The following NHERF2 variants were observed in gnomAD, a reference collection of about 807,000 sequenced individuals.
The protein encoded by NHERF2 is Na(+)/H(+) exchange regulatory cofactor NHE-RF2.
At chr16:2,033,121 T>G in the NHERF2 span, 1 of 1,397,038 alleles carries the variant, frequency 7.2e-7, no homozygotes, top group African/African-American at 1.5e-5. Context: ...CCTTCCTTTC[T>G]TGGGACGGAA....
the NHERF2 span, among the ~76,000 whole-genome samples, chr16:2,034,270 C>T: frequency 6.6e-6 from 1 of 152,168 alleles, no homozygotes; most frequent in Non-Finnish European, 1.5e-5. Context: ...TATCACGCTC[C>T]CACCTCCTCC....
chr16:2,035,807 G>A, the NHERF2 span: 3,981 of 489,126 alleles, frequency 8.1e-3, 30 homozygotes, highest in Non-Finnish European at 8.8e-3. Context: ...CTGGGCCCAC[G>A]GGGGTGGGGC....
the NHERF2 span, chr16:2,037,887 C>G: frequency 2.5e-6 from 4 of 1,607,334 alleles, no homozygotes; most frequent in Non-Finnish European, 3.4e-6. Context: ...AGCCCCACGG[C>G]GGCCGAGGCC....
the NHERF2 span, chr16:2,033,151 G>A: frequency 4.7e-5 from 66 of 1,414,162 alleles, no homozygotes; most frequent in African/African-American, 5.8e-5. Flanking sequence ...GGTGGGGGGC[G>A]CCAGGCTGGA....
At chr16:2,029,687 A>G in the NHERF2 span, 1 of 1,561,224 alleles carries the variant, frequency 6.4e-7, no homozygotes, top group Non-Finnish European at 8.7e-7. Context: ...TACCGAGGAG[A>G]TGGCCCAGCG....
the NHERF2 span, chr16:2,038,143 C>CCCAGT: frequency 3.5e-6 from 3 of 867,994 alleles, no homozygotes; most frequent in Non-Finnish European, 5.3e-6. Flanking sequence ...TGCCCCTGCC[C>CCCAGT]ACCAGGTACT....
chr16:2,037,451 T>TGGG, the NHERF2 span: 9 of 1,113,356 alleles, frequency 8.1e-6, no homozygotes, highest in African/African-American at 9.3e-5. Flanking sequence ...GAGCACACAC[T>TGGG]GGGGGGGGGT....
chr16:2,034,872 G>T, the NHERF2 span, among the ~76,000 whole-genome samples: 3 of 152,266 alleles, frequency 2.0e-5, no homozygotes, highest in Non-Finnish European at 4.4e-5. Context: ...ATCCCTGAGG[G>T]GCACTTTGGT....
chr16:2,035,996 A>G, the NHERF2 span: 270,242 of 312,020 alleles, frequency 0.87, 117,614 homozygotes, highest in African/African-American at 0.96. Flanking sequence ...CCAGGAGGCC[A>G]ACGGCGACAG....
chr16:2,033,439 T>A, the NHERF2 span: 1 of 1,519,736 alleles, frequency 6.6e-7, no homozygotes, highest in East Asian at 2.5e-5. Context: ...ACAGGTCAGG[T>A]GGGGTGGGAG....
At chr16:2,035,489 C>T in the NHERF2 span, 3 of 986,248 alleles carry the variant, frequency 3.0e-6, no homozygotes, top group Non-Finnish European at 2.4e-6. Flanking sequence ...CACAGTCTCC[C>T]CTGCGCACGC....
At chr16:2,038,066 T>A in the NHERF2 span, 1 of 1,520,082 alleles carries the variant, frequency 6.6e-7, no homozygotes, top group Non-Finnish European at 9.0e-7. Flanking sequence ...TCCCCCAGCC[T>A]CAGTGGACTG....
chr16:2,038,426 C>T, the NHERF2 span: 4 of 246,178 alleles, frequency 1.6e-5, no homozygotes, highest in Admixed American at 6.2e-5. Context: ...TCCCCCTTCC[C>T]CTCCCCCTTG....
At chr16:2,029,499 G>A in the NHERF2 span, 1 of 1,342,166 alleles carries the variant, frequency 7.5e-7, no homozygotes, top group East Asian at 2.5e-5. Flanking sequence ...CCGCACGCCT[G>A]GGCCAGCCCA....
the NHERF2 span, among the ~76,000 whole-genome samples, chr16:2,034,236 ATG>A: frequency 6.6e-6 from 1 of 152,012 alleles, no homozygotes; most frequent in African/African-American, 2.4e-5. Flanking sequence ...TGGCTGTGTG[ATG>A]TGTCTTTGCG....
At chr16:2,027,241 G>A in the NHERF2 span, 1 of 1,254,282 alleles carries the variant, frequency 8.0e-7, no homozygotes, top group South Asian at 2.5e-5. Flanking sequence ...GCTCGCCCCC[G>A]GCCCGCCGCC....
chr16:2,029,958 C>T, the NHERF2 span, among the ~76,000 whole-genome samples: 2 of 152,194 alleles, frequency 1.3e-5, no homozygotes, highest in South Asian at 4.1e-4. Flanking sequence ...CTGTTTCTAC[C>T]CTCAGCCTGT....
chr16:2,038,219 GAC>G, the NHERF2 span: 7 of 597,224 alleles, frequency 1.2e-5, no homozygotes, highest in South Asian at 1.2e-4. Flanking sequence ...CAGAGACAGA[GAC>G]AGAGAGAGAG....
At chr16:2,037,545 G>C in the NHERF2 span, 11 of 1,611,454 alleles carry the variant, frequency 6.8e-6, no homozygotes, top group Non-Finnish European at 9.3e-6. Flanking sequence ...CAGCTCAATG[G>C]TGGCTCTGCG....
Sources: allele counts gnomAD v4.1 joint callset (sites outside exome capture counted in the v4.1 genomes callset), GRCh38; gene constraint gnomAD v4.1.1; transcripts MANE v1.5; gene names NCBI Gene and HGNC (gene_info 2026-07-23, HGNC 2026-07-21).